The following HHAT variants were observed in gnomAD, a reference collection of about 807,000 sequenced individuals.
HHAT encodes the protein protein-cysteine N-palmitoyltransferase HHAT.
HHAT carries 47 observed loss-of-function variants against 70.8 expected under a neutral mutation model. That is an observed-to-expected ratio of 0.66 (90% CI 0.53 to 0.85). The LOEUF is 0.85. Among genes scored for constraint, HHAT ranks in the 40% least tolerant of loss-of-function variants. The pLI is 0.00. For missense variants in HHAT, 609 were observed against 604.8 expected, an observed-to-expected ratio of 1.01 and a Z score of -0.07; for synonymous variants, 228 against 247.6, an observed-to-expected ratio of 0.92 and a Z score of 0.74.
At chr1:210,640,727 G>A (rs1384237943) in intron 11 of HHAT, among the ~76,000 whole-genome samples, 1 of 151,778 alleles carries the variant, frequency 6.6e-6, no homozygotes, top group Non-Finnish European at 1.5e-5. Context: ...TTGTTATTTG[G>A]GATTTTGAAG....
chr1:210,669,007 T>G (rs1247610290), intron 11 of HHAT, among the ~76,000 whole-genome samples: 1 of 152,154 alleles, frequency 6.6e-6, no homozygotes, highest in Non-Finnish European at 1.5e-5. Context: ...ATGCCTGACC[T>G]CGTGATCCAC....
intron 2 of HHAT, among the ~76,000 whole-genome samples, chr1:210,360,304 G>GTTTTTT (rs398053777): frequency 1.4e-5 from 2 of 138,176 alleles, no homozygotes; most frequent in African/African-American, 5.2e-5. Flanking sequence ...TTGTTTTTGT[G>GTTTTTT]TTTTTTTTTT....
At position 210,513,213 on chromosome 1, in the gene HHAT, A is replaced by G. The variant is rs1335465423; in HGVS notation, c.1043+25A>G. 9 of 1,105,136 alleles carry G rather than the reference A, an allele frequency of 8.1e-6. No individual in the cohort carries two copies. The East Asian group carries it at 1.9e-4, about 23-fold the overall frequency. The allele number at this position is 1,105,136 out of a possible 1,614,324, so 68.5% of individuals were successfully genotyped here. On this transcript the variant is annotated intron_variant, in intron 9 of 11. Transcript: ENST00000261458. ...GGTAAGCCAATAATTTTTATTTTAG[A>G]TAACATTGAATAACATGTCTATTAT...
At chr1:210,616,884 G>A (rs1285776948) in intron 10 of HHAT, among the ~76,000 whole-genome samples, 1 of 152,130 alleles carries the variant, frequency 6.6e-6, no homozygotes, top group Non-Finnish European at 1.5e-5. Flanking sequence ...TGAATTTTTT[G>A]CATCACAAGC....
chr1:210,404,615 A>T lies in HHAT; in HGVS notation c.620A>T (p.Tyr207Phe). 6.2e-7 allele frequency: 1 copy of T among 1,613,954 alleles called. No homozygotes were observed. Among genetic ancestry groups the T allele is most frequent in the Non-Finnish European group, 8.5e-7 (1 of 1,179,996 alleles). Residue 207 changes from tyrosine to phenylalanine, a missense_variant, in exon 6 of 12, where the codon TAT (tyrosine) becomes TTT (phenylalanine). Tyr to Phe is a conservative substitution (Grantham distance 22). Transcript: ENST00000261458. The part of the protein sequence containing the change: ...TSYSFPWMLA[Y>F]VFYYPVLHNG... ...TACTCCTTTCCCTGGATGCTGGCCT[A>T]TGTCTTTTATTATCCAGTCTTACAC...
chr1:210,556,636 C>T (rs1243983649), intron 9 of HHAT, among the ~76,000 whole-genome samples: 1 of 152,200 alleles, frequency 6.6e-6, no homozygotes, highest in East Asian at 1.9e-4. Context: ...GCTGATATGA[C>T]AGCTTCACTC....
intron 7 of HHAT, among the ~76,000 whole-genome samples, chr1:210,454,887 G>C (rs1222553364): frequency 1.3e-5 from 2 of 152,152 alleles, no homozygotes; most frequent in Non-Finnish European, 2.9e-5. Flanking sequence ...ACTCTCTCTT[G>C]GGTTTCCAAG....
intron 3 of HHAT, among the ~76,000 whole-genome samples, chr1:210,368,877 C>T (rs538206447): frequency 3.3e-5 from 5 of 151,986 alleles, no homozygotes; most frequent in East Asian, 2.0e-4. Flanking sequence ...CAGGAGTCCA[C>T]GACCAGTCTG....
chr1:210,328,968 G>A lies in HHAT; in HGVS notation c.-180G>A. On this transcript the variant is annotated 5_prime_UTR_variant, in exon 1 of 12. Transcript: ENST00000261458. ...CTGCTCCTCCAAAGGGCAGCTCCGG[G>A]GGAAAGAGGGTGGCGTCCCGGGGAA... is the stretch of plus-strand genomic sequence containing the variant. 7.7e-7 allele frequency: 1 copy of A among 1,302,440 alleles called. No homozygotes were observed. The highest frequency in any genetic ancestry group is 2.0e-5 in the South Asian group (1 of 48,788). The allele number at this position is 1,302,440 out of a possible 1,614,324, so 80.7% of individuals were successfully genotyped here.
intron 9 of HHAT, among the ~76,000 whole-genome samples, chr1:210,524,159 C>T (rs2095208208): frequency 6.6e-6 from 1 of 152,150 alleles, no homozygotes; most frequent in Non-Finnish European, 1.5e-5. Context: ...CTCTGGAGAT[C>T]CACTGTACAG....
At chr1:210,509,459 T>C (rs951596915) in intron 8 of HHAT, among the ~76,000 whole-genome samples, 1 of 151,924 alleles carries the variant, frequency 6.6e-6, no homozygotes, top group Non-Finnish European at 1.5e-5. Flanking sequence ...CCCTGGGGGG[T>C]CTTCTGGCTA....
In HHAT at chr1:210,437,855, T is replaced by C. The variant is rs539700117; in HGVS notation, c.856+19530T>C. 2.0e-5 allele frequency among the ~76,000 whole-genome samples: 3 copies of C among 152,004 alleles called. No homozygotes were observed. The South Asian group carries it at 6.2e-4, about 31-fold the overall frequency. On this transcript the variant is annotated intron_variant, in intron 7 of 11. Coordinates refer to ENST00000261458, the MANE Select transcript of HHAT (RefSeq NM_018194.6). ...CCCAGGAAACTATTGGACACTCCCA[T>C]GAATCAGTTTTAGATTCTTACAGAC...
chr1:210,488,785 C>T (rs1398555240), intron 8 of HHAT, among the ~76,000 whole-genome samples: 1 of 151,564 alleles, frequency 6.6e-6, no homozygotes, highest in Admixed American at 6.6e-5. Context: ...CCTAGCTACT[C>T]AGGAGGCTGA....
At chr1:210,342,181 A>G (rs1006125583) in intron 1 of HHAT, among the ~76,000 whole-genome samples, 1 of 152,032 alleles carries the variant, frequency 6.6e-6, no homozygotes, top group African/African-American at 2.4e-5. Context: ...GGCCTAAATC[A>G]TCAACCTCCC....
chr1:210,639,145 A>G (rs539021935), intron 11 of HHAT, among the ~76,000 whole-genome samples: 3 of 152,038 alleles, frequency 2.0e-5, no homozygotes, highest in East Asian at 1.9e-4. Context: ...CCATTCATCC[A>G]TGCACCCAAC....
At chr1:210,510,073 A>G (rs1319625266) in intron 8 of HHAT, among the ~76,000 whole-genome samples, 1 of 152,254 alleles carries the variant, frequency 6.6e-6, no homozygotes, top group Non-Finnish European at 1.5e-5. Context: ...TAAGAAAGAC[A>G]TATTTTGCCT....
At chr1:210,563,914 G>A (rs987127120) in intron 9 of HHAT, among the ~76,000 whole-genome samples, 6 of 152,080 alleles carry the variant, frequency 3.9e-5, no homozygotes, top group African/African-American at 1.4e-4. Flanking sequence ...TGACTAGCTG[G>A]TTAAGGTGAT....
chr1:210,399,019 G>A (rs762337147), intron 4 of HHAT, among the ~76,000 whole-genome samples: 2 of 152,174 alleles, frequency 1.3e-5, no homozygotes, highest in Non-Finnish European at 2.9e-5. Context: ...GAAAGAGTTA[G>A]CATCAAAGCA....
chr1:210,412,131 C>T (rs2092579917), intron 6 of HHAT, among the ~76,000 whole-genome samples: 1 of 152,212 alleles, frequency 6.6e-6, no homozygotes, highest in South Asian at 2.1e-4. Context: ...GGGTGCTATT[C>T]CCAACCATGA....
Sources: gnomAD v4.1 joint callset for allele counts (sites outside exome capture counted in the v4.1 genomes callset) on GRCh38, gnomAD v4.1.1 for gene constraint, MANE v1.5 for transcripts, NCBI Gene and HGNC (gene_info 2026-07-23, HGNC 2026-07-21) for gene names.